Variants in ZBTB10 observed in about 807,000 individuals in gnomAD.
ZBTB10 encodes zinc finger and BTB domain-containing protein 10.
ZBTB10 carries 32 observed loss-of-function variants against 76.4 expected under a neutral mutation model. The observed-to-expected ratio is 0.42, with a 90% confidence interval of 0.32 to 0.56. The LOEUF is 0.56. Among genes scored for constraint, ZBTB10 ranks in the 20% least tolerant of loss-of-function variants. The pLI is 0.14. For synonymous variants in ZBTB10, 523 were observed against 432.9 expected (o/e 1.21, Z -2.58); for missense variants, 1,057 against 1,098.5 (o/e 0.96, Z 0.53).
chr8:80,502,697 A>G (rs1184872058), intron 2 of ZBTB10, among the ~76,000 whole-genome samples: 2 of 151,812 alleles, frequency 1.3e-5, no homozygotes, highest in Non-Finnish European at 2.9e-5. Context: ...ATGATATAGA[A>G]CCAAGGACTG....
At chr8:80,488,362 A>G (rs1237186407) in intron 1 of ZBTB10, among the ~76,000 whole-genome samples, 1 of 152,156 alleles carries the variant, frequency 6.6e-6, no homozygotes, top group African/African-American at 2.4e-5. Context: ...CTTGTGAATA[A>G]TTTTACTAAA....
chr8:80,503,458 C>G (rs1235978161), intron 2 of ZBTB10, among the ~76,000 whole-genome samples: 5 of 152,062 alleles, frequency 3.3e-5, no homozygotes, highest in Non-Finnish European at 7.4e-5. Context: ...ATTTGCTTCT[C>G]TATAACTTCC....
chr8:80,490,311 A>G (rs769782563), intron 1 of ZBTB10, among the ~76,000 whole-genome samples: 2 of 152,252 alleles, frequency 1.3e-5, no homozygotes, highest in African/African-American at 2.4e-5. Context: ...GCTGGAGTGC[A>G]GTGGTGAGAT....
At chr8:80,494,948 A>G (rs1281260904) in intron 1 of ZBTB10, among the ~76,000 whole-genome samples, 4 of 151,150 alleles carry the variant, frequency 2.6e-5, no homozygotes, top group South Asian at 4.2e-4. Context: ...AAAAGGAAAA[A>G]TAGCTTTCCA....
At position 80,499,836 on chromosome 8, in the gene ZBTB10, G is replaced by A. The variant is rs1815876094; in HGVS notation, c.1315G>A (p.Val439Ile). The A allele has an allele frequency of 6.2e-7, 1 of 1,614,000 alleles. No homozygotes were observed. Among genetic ancestry groups the A allele is most frequent in the Non-Finnish European group, 8.5e-7 (1 of 1,179,874 alleles). Residue 439 changes from valine to isoleucine, a missense_variant, in exon 2 of 6, where the codon GTT (valine) becomes ATT (isoleucine). Val to Ile is a conservative substitution (Grantham distance 29, BLOSUM62 3). Transcript: ENST00000455036. ...LVLTSQNAIE[V>I]MTVASYLQMS... The stretch of plus-strand genomic sequence containing the variant: ...GCTCACAAGCCAAAATGCCATTGAA[G>A]TTATGACCGTGGCCAGCTATCTTCA...
rs773859289 is a variant in ZBTB10 at position 80,519,452 on chromosome 8, T to C, written c.2540T>C (p.Val847Ala). The C allele has an allele frequency of 6.2e-7, 1 of 1,612,508 alleles. No individual in the cohort carries two copies. The highest frequency in any genetic ancestry group is 8.5e-7 in the Non-Finnish European group (1 of 1,179,378). The change falls in exon 6 of 6, where the codon GTT (valine) becomes GCT (alanine). Residue 847 changes from valine to alanine, a missense_variant. Val to Ala is a moderately conservative substitution (Grantham distance 64, BLOSUM62 0). Transcript: ENST00000455036. Reference sequence around the variant, plus strand: ...GTAGGAGAAGCTGATGAAGAGCTAGTTGATGATGGAGAAGATCAGAATGAT... The same window carrying C: ...GTAGGAGAAGCTGATGAAGAGCTAGCTGATGATGGAGAAGATCAGAATGAT... Reference protein sequence around the residue: ...NEVGEADEELVDDGEDQNDPS... With the variant: ...NEVGEADEELADDGEDQNDPS...
chr8:80,497,471 G>T (rs528881175), intron 1 of ZBTB10, among the ~76,000 whole-genome samples: 1 of 132,158 alleles, frequency 7.6e-6, no homozygotes, highest in Non-Finnish European at 1.6e-5. Flanking sequence ...TTATTATATG[G>T]TGGGGGGGGG....
At position 80,486,664 on chromosome 8, in the gene ZBTB10, C is replaced by A. The variant is rs1162784795; in HGVS notation, c.-147C>A. The A allele has an allele frequency of 2.0e-6, 2 of 978,478 alleles. No individual in the cohort carries two copies. The highest frequency in any genetic ancestry group is 1.2e-4 in the East Asian group (1 of 8,380). 60.6% of individuals were successfully genotyped at this position (978,478 alleles called of 1,614,324 possible). A position where few individuals can be genotyped will look rare whatever the true frequency, so the allele number is the denominator to read the frequency against. ...CGGGAGCGAGCGCGAGCCGGGCTGC[C>A]GGGCGAGAGGGCGAGGCCGAGCCCC... On this transcript the variant is annotated 5_prime_UTR_variant, in exon 1 of 6. Coordinates refer to ENST00000455036, the MANE Select transcript of ZBTB10 (RefSeq NM_001105539.3).
Position 80,487,652 on chromosome 8 carries a change from A to G in ZBTB10, c.842A>G (p.Asp281Gly), listed in dbSNP as rs374345035. The change falls in exon 1 of 6, where the codon GAT (aspartate) becomes GGT (glycine). Residue 281 changes from aspartate (D) to glycine (G), a missense_variant. Coordinates refer to ENST00000455036, the MANE Select transcript of ZBTB10 (RefSeq NM_001105539.3). ...GGCTGGTGCCAAAAGACCCCTGCAG[A>G]TGGGGGAAGCGTGGACCTTCCCCCA... The part of the protein sequence containing the change: ...SCGWCQKTPA[D>G]GGSVDLPPVG... 2 of 1,613,796 alleles carry G rather than the reference A, an allele frequency of 1.2e-6. No homozygotes were observed. The highest frequency in any genetic ancestry group is 1.3e-5 in the African/African-American group (1 of 74,906).
In ZBTB10 at chr8:80,518,586, A is replaced by G; in HGVS notation, c.2137+7A>G. 1 of 1,545,384 alleles carries G rather than the reference A, an allele frequency of 6.5e-7. No homozygotes were observed. Among genetic ancestry groups the G allele is most frequent in the Non-Finnish European group, 8.7e-7 (1 of 1,145,518 alleles). ...CAAGAAACCTGGGAAAATGGCAAGT[A>G]TTAGTCAACTAAACAAATACAGAAT... On this transcript the variant is annotated splice_region_variant and intron_variant, in intron 4 of 5. Transcript: ENST00000455036.
intron 1 of ZBTB10, among the ~76,000 whole-genome samples, chr8:80,497,475 G>GT (rs963464283): frequency 6.6e-6 from 1 of 151,486 alleles, no homozygotes; most frequent in East Asian, 1.9e-4. Context: ...TATATGGTGG[G>GT]GGGGGGCATG....
chr8:80,525,896 T>C lies in ZBTB10; in HGVS notation c.*6368T>C, dbSNP rs1427947625. The C allele has an allele frequency of 2.0e-5, 3 of 152,152 alleles. No homozygotes were observed. The highest frequency in any genetic ancestry group is 7.2e-5 in the African/African-American group (3 of 41,444). The allele number at this position is 152,152 out of a possible 1,614,324, so 9.4% of individuals were successfully genotyped here. ...TATCAAGCCAGTTTCGTTTAGTTAT[T>C]TTGTGTTGCCAAGCATATGATACGT... is the stretch of plus-strand genomic sequence containing the variant. On this transcript the variant is annotated 3_prime_UTR_variant, in exon 6 of 6. Coordinates refer to ENST00000455036, the MANE Select transcript of ZBTB10 (RefSeq NM_001105539.3).
intron 1 of ZBTB10, among the ~76,000 whole-genome samples, chr8:80,491,822 C>T (rs773589360): frequency 1.3e-5 from 2 of 152,190 alleles, no homozygotes; most frequent in Non-Finnish European, 2.9e-5. Flanking sequence ...ATTTTCATAG[C>T]CTAAATCACA....
At position 80,523,618 on chromosome 8, in the gene ZBTB10, T is replaced by G. The variant is rs1020732939; in HGVS notation, c.*4090T>G. 3 of 62,640 alleles carry G rather than the reference T, an allele frequency of 4.8e-5. No homozygotes were observed. The highest frequency in any genetic ancestry group is 4.7e-4 in the South Asian group (1 of 2,128). The allele number at this position is 62,640 out of a possible 1,614,324, so 3.9% of individuals were successfully genotyped here. On this transcript the variant is annotated 3_prime_UTR_variant, in exon 6 of 6. Transcript: ENST00000455036. ...TCACTTTAGGACTTAAAATGGAAAGTTTTTTTTTTTTTCCTGCTGTATCTC... is the reference window on the plus strand; with the variant it reads ...TCACTTTAGGACTTAAAATGGAAAGGTTTTTTTTTTTTCCTGCTGTATCTC...
In ZBTB10 at chr8:80,521,808, G is replaced by A. The variant is rs1201136355; in HGVS notation, c.*2280G>A. ...ATTGTTGTGCTTTTGTTTGGTTTTAGTTGGAAATAAGGTTTGATGTAGATG... is the reference window on the plus strand; with the variant it reads ...ATTGTTGTGCTTTTGTTTGGTTTTAATTGGAAATAAGGTTTGATGTAGATG... On this transcript the variant is annotated 3_prime_UTR_variant, in exon 6 of 6. Transcript: ENST00000455036. The A allele has an allele frequency of 6.6e-6, 1 of 151,700 alleles. No individual in the cohort carries two copies. Among genetic ancestry groups the A allele is most frequent in the Non-Finnish European group, 1.5e-5 (1 of 67,734 alleles). 9.4% of individuals were successfully genotyped at this position (151,700 alleles called of 1,614,324 possible). A position where few individuals can be genotyped will look rare whatever the true frequency, so the allele number is the denominator to read the frequency against.
In ZBTB10 at chr8:80,487,042, G is replaced by C. The variant is rs900003313; in HGVS notation, c.232G>C (p.Glu78Gln). 6.6e-6 allele frequency: 10 copies of C among 1,519,670 alleles called. No homozygotes were observed. Among genetic ancestry groups the C allele is most frequent in the Non-Finnish European group, 8.8e-6 (10 of 1,140,262 alleles). The allele number at this position is 1,519,670 out of a possible 1,614,324, so 94.1% of individuals were successfully genotyped here. Residue 78 changes from glutamate (E) to glutamine (Q), a missense_variant, in exon 1 of 6, where the codon GAG becomes CAG. By Grantham distance (29) the Glu-to-Gln change is conservative. Transcript: ENST00000455036. ...ELEGLEPQDLEASAGPAAGAA... is the reference protein window; with the variant it reads ...ELEGLEPQDLQASAGPAAGAA... ...GGAGGGCCTGGAGCCCCAAGACCTG[G>C]AGGCCTCCGCCGGGCCGGCCGCCGG...
Position 80,521,541 on chromosome 8 carries a change from GAT to G in ZBTB10, c.*2020_*2021del, listed in dbSNP as rs1326860636. 2 of 151,538 alleles carry G rather than the reference GAT, an allele frequency of 1.3e-5. No homozygotes were observed. The highest frequency in any genetic ancestry group is 4.2e-4 in the South Asian group (2 of 4,814). 9.4% of individuals were successfully genotyped at this position (151,538 alleles called of 1,614,324 possible). A position where few individuals can be genotyped will look rare whatever the true frequency, so the allele number is the denominator to read the frequency against. On this transcript the variant is annotated 3_prime_UTR_variant, in exon 6 of 6. Transcript: ENST00000455036. ...ATATAAATATATATTAAAGAACAAA[GAT>G]ATATATCTAAAAATCACCTAAATCT...
At chr8:80,492,263 C>G (rs566213046) in intron 1 of ZBTB10, among the ~76,000 whole-genome samples, 1 of 152,302 alleles carries the variant, frequency 6.6e-6, no homozygotes, top group African/African-American at 2.4e-5. Flanking sequence ...TTAGCAGTGT[C>G]TGACTGTATA....
Position 80,487,464 on chromosome 8 carries a change from G to T in ZBTB10, c.654G>T (p.Val218=), listed in dbSNP as rs747622950. 4.5e-6 allele frequency: 7 copies of T among 1,549,712 alleles called. No individual in the cohort carries two copies. In the South Asian group the frequency reaches 7.1e-5, roughly 16 times the overall value. The change falls in exon 1 of 6, where the codon GTG becomes GTT. Residue 218 remains valine (V), a synonymous_variant. Coordinates refer to ENST00000455036, the MANE Select transcript of ZBTB10 (RefSeq NM_001105539.3). The stretch of plus-strand genomic sequence containing the variant: ...CGGGCGGCGATGGCGGGGACGAAGT[G>T]GAGGGCAGCGGTGTGGGAGCTGGCG... ...RRSGGDGGDE[V]EGSGVGAGEG...
Sources: gnomAD v4.1 joint callset for allele counts (sites outside exome capture counted in the v4.1 genomes callset) on GRCh38, gnomAD v4.1.1 for gene constraint, MANE v1.5 for transcripts, NCBI Gene and HGNC (gene_info 2026-07-23, HGNC 2026-07-21) for gene names.